The following CYP2C8 variants were observed in gnomAD, a reference collection of about 807,000 sequenced individuals.
CYP2C8 encodes cytochrome P450 family 2 subfamily C member 8.
CYP2C8 carries 51 observed loss-of-function variants against 41.3 expected under a neutral mutation model. That is an observed-to-expected ratio of 1.24 (90% CI 0.99 to 1.56). The LOEUF (loss-of-function observed/expected upper bound fraction) is 1.56. Ranked by LOEUF, CYP2C8 falls within the 40% of genes most tolerant of loss-of-function variation. The probability of loss-of-function intolerance (pLI) is 0.00; values close to 1 mark genes in which losing one functional copy is unlikely to be tolerated. For synonymous variants in CYP2C8, 218 were observed against 205.8 expected (o/e 1.06, Z -0.51); for missense variants, 651 against 579.9 (o/e 1.12, Z -1.26).
chr10:95,066,186 G>GTGTT (rs2033563854), intron 3 of CYP2C8, among the ~76,000 whole-genome samples: 2 of 139,958 alleles, frequency 1.4e-5, no homozygotes, highest in Non-Finnish European at 3.1e-5. Flanking sequence ...GTGTGTGTGT[G>GTGTT]TGTTTCTCAG....
chr10:95,049,098 C>T (rs1304225933), intron 5 of CYP2C8, among the ~76,000 whole-genome samples: 1 of 152,028 alleles, frequency 6.6e-6, no homozygotes, highest in African/African-American at 2.4e-5. Context: ...CCAGAGTCTA[C>T]AAGAAACTCA....
chr10:95,050,860 C>G (rs1340691993), intron 5 of CYP2C8, among the ~76,000 whole-genome samples: 1 of 143,426 alleles, frequency 7.0e-6, no homozygotes, highest in Admixed American at 6.9e-5. Context: ...GAAAGCCTAA[C>G]AAGAAGGATG....
chr10:95,068,571 T>C, intron 1 of CYP2C8: 2 of 1,285,546 alleles, frequency 1.6e-6, no homozygotes, highest in South Asian at 2.5e-5. Context: ...ACTTATTGGA[T>C]GAAATTTCTA....
Position 95,042,918 on chromosome 10 carries a change from G to A in CYP2C8, c.1121C>T (p.Thr374Ile). ...TGVPHAVTTDTKFRNYLIPKG... is the reference protein window; with the variant it reads ...TGVPHAVTTDIKFRNYLIPKG... ...GGGGATGAGGTAGTTTCTGAACTTA[G>A]TATCAGTGGTCACTGCATGGGGCAC... The change falls in exon 7 of 9, where the codon ACT becomes ATT. Residue 374 changes from threonine (T) to isoleucine (I), a missense_variant. By Grantham distance (89) the Thr-to-Ile change is moderately conservative. Transcript: ENST00000371270. 1 of 1,614,040 alleles carries A rather than the reference G, an allele frequency of 6.2e-7. No individual in the cohort carries two copies. The highest frequency in any genetic ancestry group is 2.2e-5 in the East Asian group (1 of 44,884).
intron 5 of CYP2C8, 145 bp downstream of exon 5, chr10:95,058,190 G>T: frequency 8.3e-7 from 1 of 1,211,224 alleles, no homozygotes; most frequent in Non-Finnish European, 1.2e-6. Context: ...GTTTAGTGCA[G>T]GCCCATAAAT....
intron 5 of CYP2C8, among the ~76,000 whole-genome samples, chr10:95,050,995 A>C (rs1364185842): frequency 6.6e-6 from 1 of 152,196 alleles, no homozygotes; most frequent in Non-Finnish European, 1.5e-5. Flanking sequence ...ACACGAACTA[A>C]ATAAGGCACC....
chr10:95,049,128 C>T (rs965290068), intron 5 of CYP2C8, among the ~76,000 whole-genome samples: 4 of 151,930 alleles, frequency 2.6e-5, no homozygotes, highest in African/African-American at 4.8e-5. Flanking sequence ...GAAAAAAATC[C>T]GAATAATCCC....
At chr10:95,049,595 G>A (rs2134418419) in intron 5 of CYP2C8, among the ~76,000 whole-genome samples, 1 of 152,238 alleles carries the variant, frequency 6.6e-6, no homozygotes, top group Admixed American at 6.5e-5. Context: ...ACCAGTGGTT[G>A]GAACCGAGTT....
chr10:95,042,124 A>G (rs1047691680), intron 7 of CYP2C8, among the ~76,000 whole-genome samples: 2 of 152,230 alleles, frequency 1.3e-5, no homozygotes, highest in African/African-American at 4.8e-5. Flanking sequence ...CAGATCAGAA[A>G]TGAAATAAGG....
chr10:95,060,013 T>C (rs1458474299), intron 4 of CYP2C8, among the ~76,000 whole-genome samples: 1 of 152,228 alleles, frequency 6.6e-6, no homozygotes, highest in Non-Finnish European at 1.5e-5. Flanking sequence ...ATCTCTGTTT[T>C]GGTACCAGTA....
At chr10:95,040,416 A>C (rs2032970599) in intron 7 of CYP2C8, among the ~76,000 whole-genome samples, 1 of 152,226 alleles carries the variant, frequency 6.6e-6, no homozygotes, top group Non-Finnish European at 1.5e-5. Flanking sequence ...TTAGTAATTG[A>C]AACCTTATCA....
At position 95,067,248 on chromosome 10, in the gene CYP2C8, C is replaced by T. The variant is rs760313151; in HGVS notation, c.441G>A (p.Glu147=). 6.2e-7 allele frequency: 1 copy of T among 1,614,184 alleles called. No individual in the cohort carries two copies. The highest frequency in any genetic ancestry group is 8.5e-7 in the Non-Finnish European group (1 of 1,180,024). ...ACTCCTCCACAAGGCAGTGAGCTTC[C>T]TCTTGAACACGGTCCTCAATGCTCC... The part of the protein sequence containing the change: ...GKRSIEDRVQ[E]EAHCLVEELR... The change falls in exon 3 of 9, where the codon GAG becomes GAA. Residue 147 remains glutamate (E), a synonymous_variant. Coordinates refer to ENST00000371270, the MANE Select transcript of CYP2C8 (RefSeq NM_000770.3).
chr10:95,038,871 T>C (rs1031602431), intron 8 of CYP2C8, 26 bp downstream of exon 8: 6 of 1,612,122 alleles, frequency 3.7e-6, no homozygotes, highest in Admixed American at 1.7e-5. Flanking sequence ...TTCCTTTAAA[T>C]ACAAATGGAA....
rs753367555 is a variant in CYP2C8, at chr10:95,045,770, T to C, written c.961+40A>G. ...GGATACTGGCACCATCTTCTCAGCA[T>C]TGTTCTGAAATTCACTTTGTTCATC... On this transcript the variant is annotated intron_variant, in intron 6 of 8. Coordinates refer to ENST00000371270, the MANE Select transcript of CYP2C8 (RefSeq NM_000770.3). 26 of 1,613,066 alleles carry C rather than the reference T, an allele frequency of 1.6e-5. No homozygotes were observed. The Admixed American group carries it at 4.0e-4, about 25-fold the overall frequency.
chr10:95,054,356 C>T (rs1370149911), intron 5 of CYP2C8, among the ~76,000 whole-genome samples: 1 of 151,924 alleles, frequency 6.6e-6, no homozygotes, highest in Non-Finnish European at 1.5e-5. Flanking sequence ...AGACAAAATT[C>T]AATACTTTTC....
intron 5 of CYP2C8, among the ~76,000 whole-genome samples, chr10:95,056,860 C>T (rs1480037940): frequency 3.3e-5 from 5 of 151,972 alleles, no homozygotes; most frequent in Admixed American, 2.6e-4. Flanking sequence ...TGGAGCTTAG[C>T]CTGGGAGGGT....
chr10:95,063,308 T>G (rs890375088), intron 4 of CYP2C8, among the ~76,000 whole-genome samples: 1 of 152,348 alleles, frequency 6.6e-6, no homozygotes, highest in African/African-American at 2.4e-5. Flanking sequence ...TTTCACATAG[T>G]CCCATATTTC....
intron 4 of CYP2C8, among the ~76,000 whole-genome samples, chr10:95,062,917 T>C (rs993450247): frequency 6.6e-6 from 1 of 152,220 alleles, no homozygotes; most frequent in Non-Finnish European, 1.5e-5. Context: ...TGGCTGGATA[T>C]GAAATTCTGG....
intron 5 of CYP2C8, among the ~76,000 whole-genome samples, chr10:95,049,885 G>A (rs1442718712): frequency 7.3e-6 from 1 of 136,144 alleles, no homozygotes; most frequent in Non-Finnish European, 1.6e-5. Flanking sequence ...TGAATAGCTA[G>A]CAGCAATACC....
Sources: gnomAD v4.1 joint callset for allele counts (sites outside exome capture counted in the v4.1 genomes callset) on GRCh38, gnomAD v4.1.1 for gene constraint, MANE v1.5 for transcripts, NCBI Gene and HGNC (gene_info 2026-07-23, HGNC 2026-07-21) for gene names.